The following FMR1 variants were observed in gnomAD, a reference collection of about 807,000 sequenced individuals.
FMR1 encodes FMRP translational regulator 1.
FMR1 carries 13 observed loss-of-function variants against 50.6 expected under a neutral mutation model. The ratio of observed to expected loss-of-function variants is 0.26; its 90% CI spans 0.17 to 0.41. The LOEUF is 0.41. FMR1 is among the 10% of genes least tolerant of loss of function. The pLI, the probability that FMR1 is intolerant of heterozygous loss-of-function variation, is 1.00. For synonymous variants in FMR1, 138 were observed against 164.1 expected, an observed-to-expected ratio of 0.84 and a Z score of 1.22; for missense variants, 316 against 491.3, an observed-to-expected ratio of 0.64 and a Z score of 3.37.
At chrX:147,927,034 ATAGGATATAGTG>A (rs781907621) in intron 3 of FMR1, among the ~76,000 whole-genome samples, 1 of 112,270 alleles carries the variant, frequency 8.9e-6, no homozygotes, top group South Asian at 3.7e-4. Flanking sequence ...TAAAGTGGAC[ATAGGATATAGTG>A]TTATTTATTT....
At chrX:147,912,619 G>T in intron 1 of FMR1, 1 of 304,656 alleles carries the variant, frequency 3.3e-6, no homozygotes, top group Non-Finnish European at 5.7e-6. Context: ...GCGGGATCCG[G>T]GCCTGTCGTG....
chrX:147,926,551 G>A (rs782419872), intron 3 of FMR1, among the ~76,000 whole-genome samples: 87 of 110,302 alleles, frequency 7.9e-4, no homozygotes, highest in African/African-American at 2.6e-3. Flanking sequence ...GCAATGGCGC[G>A]ATCTTGGCTC....
intron 5 of FMR1, among the ~76,000 whole-genome samples, chrX:147,929,161 G>A (rs369483882): frequency 1.8e-5 from 2 of 111,550 alleles, no homozygotes; most frequent in East Asian, 2.8e-4. Flanking sequence ...CGATTTCTCC[G>A]TTTTTTTCTC....
chrX:147,918,791 C>T (rs1557175894), intron 1 of FMR1, among the ~76,000 whole-genome samples: 1 of 110,345 alleles, frequency 9.1e-6, no homozygotes, highest in East Asian at 2.8e-4. Flanking sequence ...TGTTTTAAAT[C>T]GGGTCTGTCT....
chrX:147,939,544 G>T (rs2043907488), intron 12 of FMR1, among the ~76,000 whole-genome samples: 1 of 111,158 alleles, frequency 9.0e-6, no homozygotes, highest in Non-Finnish European at 1.9e-5. Context: ...TACTTGGTTA[G>T]CAGAAATGAT....
chrX:147,939,264 T>C (rs111507087), intron 12 of FMR1, among the ~76,000 whole-genome samples: 7,373 of 109,959 alleles, frequency 0.067, 222 homozygotes, highest in Middle Eastern at 0.11. Flanking sequence ...GTTTTTTTTT[T>C]CCCTCTTAAT....
rs587780338 is a variant in FMR1, at chrX:147,948,696, G to T, written c.1751G>T (p.Cys584Phe). Residue 584 changes from cysteine (C) to phenylalanine (F), a missense_variant, in exon 17 of 17, where the codon TGC becomes TTC. Physicochemically the swap from Cys to Phe is radical, Grantham distance 205. Coordinates refer to ENST00000370475, the MANE Select transcript of FMR1 (RefSeq NM_002024.6). ...AACTTGTTTTAGATCAGAGTTGACT[G>T]CAATAATGAAAGGAGTGTCCACACT... ...TDGSLQIRVD[C>F]NNERSVHTKT... The T allele has an allele frequency of 1.7e-6, 2 of 1,209,915 alleles. No homozygotes were observed. The highest frequency in any genetic ancestry group is 3.0e-5 in the East Asian group (1 of 33,767).
chrX:147,929,806 A>G (rs2043527459), intron 5 of FMR1, 142 bp from the exon 6 acceptor site: 1 of 468,678 alleles, frequency 2.1e-6, no homozygotes, highest in African/African-American at 2.4e-5. Flanking sequence ...AAAAGGAGCT[A>G]AGCTTCTAAA....
intron 16 of FMR1, 160 bp downstream of exon 16, chrX:147,945,776 T>C (rs782634280): frequency 2.1e-6 from 1 of 476,458 alleles, no homozygotes. Context: ...ATCTTAGTTC[T>C]TTGTGACAAG....
At chrX:147,930,429 T>C (rs1324508176) in intron 7 of FMR1, among the ~76,000 whole-genome samples, 185 bp downstream of exon 7, 2 of 111,976 alleles carry the variant, frequency 1.8e-5, no homozygotes, top group Non-Finnish European at 3.8e-5. Context: ...GGTTTCAAAA[T>C]TAAACAGCAG....
chrX:147,930,226 A>C lies in FMR1; in HGVS notation c.612A>C (p.Glu204Asp). 8.4e-7 allele frequency: 1 copy of C among 1,183,702 alleles called. No homozygotes were observed. Among genetic ancestry groups the C allele is most frequent in the Non-Finnish European group, 1.1e-6 (1 of 870,042 alleles). ...TGTCTCTGATAATGAGAAATGAAGA[A>C]GCTAGTAAGCAGCTGGAGGTATGTC... ...TKLSLIMRNE[E>D]ASKQLESSRQ... Residue 204 changes from glutamate (E) to aspartate (D), a missense_variant, in exon 7 of 17, where the codon GAA becomes GAC. By Grantham distance (45) the Glu-to-Asp change is conservative. Coordinates refer to ENST00000370475, the MANE Select transcript of FMR1 (RefSeq NM_002024.6).
intron 11 of FMR1, 48 bp from the exon 12 acceptor site, chrX:147,938,051 C>A: frequency 1.0e-6 from 1 of 1,004,942 alleles, no homozygotes; most frequent in Non-Finnish European, 1.4e-6. Flanking sequence ...TTCTGTGTAT[C>A]GTTTGTTATA....
chrX:147,949,344 T>G lies in FMR1; in HGVS notation c.*500T>G, dbSNP rs1557182908. On this transcript the variant is annotated 3_prime_UTR_variant, in exon 17 of 17. Transcript: ENST00000370475. ...TTAGTGGACCCTGAAATGTGTGTGA[T>G]GTGACATTTGTCATTTTCATTAGCA... is the stretch of plus-strand genomic sequence containing the variant. 1 of 329,649 alleles carries G rather than the reference T, an allele frequency of 3.0e-6. No individual in the cohort carries two copies. The highest frequency in any genetic ancestry group is 3.1e-5 in the Admixed American group (1 of 32,189). 27.2% of individuals were successfully genotyped at this position (329,649 alleles called of 1,213,427 possible). A position where few individuals can be genotyped will look rare whatever the true frequency, so the allele number is the denominator to read the frequency against.
intron 1 of FMR1, among the ~76,000 whole-genome samples, chrX:147,916,565 T>TCTTTCTTC (rs1181056305): frequency 9.0e-6 from 1 of 111,495 alleles, no homozygotes; most frequent in Non-Finnish European, 1.9e-5. Context: ...TTTTTGGTTT[T>TCTTTCTTC]CTTTCTTCCT....
intron 1 of FMR1, among the ~76,000 whole-genome samples, chrX:147,920,414 C>G: frequency 8.9e-6 from 1 of 111,819 alleles, no homozygotes; most frequent in Non-Finnish European, 1.9e-5. Context: ...ATCCTCCACT[C>G]TCTTTTGTTT....
At chrX:147,926,041 A>G (rs2043374193) in intron 3 of FMR1, among the ~76,000 whole-genome samples, 1 of 112,575 alleles carries the variant, frequency 8.9e-6, no homozygotes, top group Non-Finnish European at 1.9e-5. Flanking sequence ...GAATTTCTTT[A>G]AGTAGCAGTG....
At chrX:147,948,220 G>A (rs2044243187) in intron 16 of FMR1, among the ~76,000 whole-genome samples, 1 of 112,487 alleles carries the variant, frequency 8.9e-6, no homozygotes, top group South Asian at 3.6e-4. Context: ...GTAAATTAAA[G>A]TCTAGTTAGT....
At chrX:147,918,555 C>CTTTTTTTGTTTTTTTTTTTT (rs2042992915) in intron 1 of FMR1, among the ~76,000 whole-genome samples, 1 of 47,277 alleles carries the variant, frequency 2.1e-5, no homozygotes, top group Non-Finnish European at 3.2e-5. Context: ...CCTGCAAAAG[C>CTTTTTTTGTTTTTTTTTTTT]TTTTTTTTTT....
In FMR1 at chrX:147,924,513, A is replaced by ATTT. The variant is rs532003086; in HGVS notation, c.105-1026_105-1025insTTT. On this transcript the variant is annotated intron_variant, in intron 2 of 16. Coordinates refer to ENST00000370475, the MANE Select transcript of FMR1 (RefSeq NM_002024.6). ...TGTGTGTGTGTGTCTATATATATAT[A>ATTT]TATTTTTTTTTTTTTAAAGACAGGA... Among the ~76,000 whole-genome samples the ATTT allele has an allele frequency of 4.2e-3, 273 of 65,077 alleles. 1 individual carries two copies. The highest frequency in any genetic ancestry group is 7.3e-3 in the Non-Finnish European group (224 of 30,706). 56.5% of individuals were successfully genotyped at this position (65,077 alleles called of 115,157 possible). A position where few individuals can be genotyped will look rare whatever the true frequency, so the allele number is the denominator to read the frequency against.
Sources: allele counts gnomAD v4.1 joint callset (sites outside exome capture counted in the v4.1 genomes callset), GRCh38; gene constraint gnomAD v4.1.1; transcripts MANE v1.5; gene names NCBI Gene and HGNC (gene_info 2026-07-23, HGNC 2026-07-21).